IL13RA2: variants seen among roughly 807,000 people sequenced by gnomAD.
IL13RA2 encodes interleukin 13 receptor subunit alpha 2.
IL13RA2 carries 25 observed loss-of-function variants against 34.1 expected under a neutral mutation model. The observed-to-expected ratio is 0.73, with a 90% confidence interval of 0.53 to 1.03. IL13RA2 has a LOEUF of 1.03. Ranked by LOEUF, IL13RA2 falls within the 50% of genes least tolerant of loss-of-function variation. IL13RA2 has a pLI of 0.00. For synonymous variants in IL13RA2, 106 were observed against 100.4 expected, an observed-to-expected ratio of 1.06 and a Z score of -0.33; for missense variants, 297 against 280.9, an observed-to-expected ratio of 1.06 and a Z score of -0.41.
intron 7 of IL13RA2, among the ~76,000 whole-genome samples, chrX:115,008,481 G>A (rs2071693529): frequency 9.0e-6 from 1 of 111,634 alleles, no homozygotes; most frequent in Admixed American, 9.6e-5. Context: ...TATTACTATG[G>A]AAACTATAGA....
chrX:115,008,776 T>C (rs1434927565), intron 7 of IL13RA2, among the ~76,000 whole-genome samples: 1 of 111,963 alleles, frequency 8.9e-6, no homozygotes, highest in Non-Finnish European at 1.9e-5. Flanking sequence ...ATATAATAGC[T>C]TTTCCTTTGG....
intron 2 of IL13RA2, among the ~76,000 whole-genome samples, chrX:115,016,135 G>C (rs2071726283): frequency 9.2e-6 from 1 of 109,206 alleles, no homozygotes; most frequent in Non-Finnish European, 1.9e-5. Context: ...GTGGTTGGTA[G>C]GGGCTGGAGG....
intron 2 of IL13RA2, among the ~76,000 whole-genome samples, chrX:115,016,877 A>G (rs2147590176): frequency 9.1e-6 from 1 of 110,110 alleles, no homozygotes; most frequent in South Asian, 3.8e-4. Flanking sequence ...GTACCAGGCA[A>G]TGAGGTTTCA....
intron 5 of IL13RA2, 124 bp downstream of exon 5, chrX:115,013,642 TATC>T (rs1602976570): frequency 2.2e-6 from 1 of 454,528 alleles, no homozygotes; most frequent in African/African-American, 2.5e-5. Flanking sequence ...TGTAAACAAT[TATC>T]ATCATAAATA....
chrX:115,013,731 AT>A (rs782462358), intron 5 of IL13RA2, 37 bp downstream of exon 5: 22 of 790,787 alleles, frequency 2.8e-5, no homozygotes, highest in Non-Finnish European at 4.0e-5. Context: ...TTGAGTAGAC[AT>A]TTTTTAATAT....
intron 6 of IL13RA2, 134 bp downstream of exon 6, chrX:115,010,510 T>C (rs781927162): frequency 2.7e-6 from 1 of 370,555 alleles, no homozygotes; most frequent in Non-Finnish European, 4.8e-6. Flanking sequence ...TGCATTTCCA[T>C]AGGTCTCTGT....
At chrX:115,010,059 T>A (rs5946039) in intron 6 of IL13RA2, among the ~76,000 whole-genome samples, 15,375 of 111,267 alleles carry the variant, frequency 0.14, 801 homozygotes, top group South Asian at 0.28. Flanking sequence ...GTACCAAGGA[T>A]GTTACATAAT....
In IL13RA2 at chrX:115,004,031, T is replaced by C; in HGVS notation, c.*49A>G. On this transcript the variant is annotated 3_prime_UTR_variant, in exon 10 of 10. Transcript: ENST00000243213. ...GAGACTCATATTGAACATTTGGCCA[T>C]GACTGGAAACTGTTGAGTCAATACC... 1.3e-6 allele frequency: 1 copy of C among 746,179 alleles called. No individual in the cohort carries two copies. Among genetic ancestry groups the C allele is most frequent in the Non-Finnish European group, 2.1e-6 (1 of 484,426 alleles). The allele number at this position is 746,179 out of a possible 1,213,427, so 61.5% of individuals were successfully genotyped here. A position where few individuals can be genotyped will look rare whatever the true frequency, so the allele number is the denominator to read the frequency against.
Position 115,015,664 on chromosome X carries a change from A to C in IL13RA2, c.246+6T>G. The C allele has an allele frequency of 8.3e-7, 1 of 1,198,786 alleles. No individual in the cohort carries two copies. Among genetic ancestry groups the C allele is most frequent in the Middle Eastern group, 2.3e-4 (1 of 4,328 alleles). On this transcript the variant is annotated splice_donor_region_variant and intron_variant, in intron 3 of 9. Coordinates refer to ENST00000243213, the MANE Select transcript of IL13RA2 (RefSeq NM_000640.3). ...CTCTGATACGGCAAATGCATGCTTT[A>C]CTTACCTTCCATGTTTCACTACCAA...
At chrX:115,017,413 G>C in intron 1 of IL13RA2, 111 bp from the exon 2 acceptor site, 1 of 433,818 alleles carries the variant, frequency 2.3e-6, no homozygotes, top group African/African-American at 2.6e-5. Flanking sequence ...CCAAGAACTG[G>C]GAAAACTGTG....
intron 7 of IL13RA2, 136 bp downstream of exon 7, chrX:115,009,385 G>T: frequency 4.4e-6 from 2 of 451,815 alleles, no homozygotes; most frequent in Non-Finnish European, 3.8e-6. Flanking sequence ...AGCTTATTTG[G>T]CTTTCTGGAA....
Position 115,004,102 on chromosome X carries a change from G to T in IL13RA2, c.1121C>A (p.Pro374Gln). The T allele has an allele frequency of 9.8e-7, 1 of 1,024,249 alleles. No individual in the cohort carries two copies. Among genetic ancestry groups the T allele is most frequent in the Non-Finnish European group, 1.4e-6 (1 of 730,012 alleles). 84.4% of individuals were successfully genotyped at this position (1,024,249 alleles called of 1,213,427 possible). ...TCTTCATGTATCACAGAAAAATTCT[G>T]GAATCTAGAAAGAACTCTGTTATTA... is the stretch of plus-strand genomic sequence containing the variant. ...RKPNTYPKMI[P>Q]EFFCDT Residue 374 changes from proline to glutamine, a missense_variant, in exon 10 of 10, where the codon CCA becomes CAA. Coordinates refer to ENST00000243213, the MANE Select transcript of IL13RA2 (RefSeq NM_000640.3).
intron 3 of IL13RA2, among the ~76,000 whole-genome samples, chrX:115,015,405 G>A (rs782155393): frequency 9.0e-6 from 1 of 111,663 alleles, no homozygotes; most frequent in Admixed American, 9.5e-5. Context: ...CTAGTGAAGT[G>A]CTGCTCTTCA....
intron 7 of IL13RA2, 45 bp from the exon 8 acceptor site, chrX:115,008,121 G>A (rs1556508092): frequency 3.3e-6 from 3 of 897,604 alleles, no homozygotes; most frequent in Non-Finnish European, 4.9e-6. Context: ...TGATCTAGTT[G>A]CAACTAGACA....
chrX:115,004,885 T>C (rs1556507137), intron 9 of IL13RA2, among the ~76,000 whole-genome samples: 2 of 112,587 alleles, frequency 1.8e-5, no homozygotes, highest in African/African-American at 3.2e-5. Context: ...AATTCACTCT[T>C]CTATTTCTCC....
chrX:115,013,686 A>G (rs2071715135), intron 5 of IL13RA2, 83 bp downstream of exon 5: 2 of 524,115 alleles, frequency 3.8e-6, no homozygotes, highest in East Asian at 7.2e-5. Context: ...AATTTAACTT[A>G]GTGAAAATAT....
intron 2 of IL13RA2, 68 bp from the exon 3 acceptor site, chrX:115,015,889 G>A: frequency 1.3e-6 from 1 of 744,601 alleles, no homozygotes; most frequent in South Asian, 2.6e-5. Context: ...AAATCTAGAT[G>A]GCTTCCAAAT....
At chrX:115,005,382 ATTTTATAAATACTTCAGAACTGAG>A in intron 8 of IL13RA2, 67 bp from the exon 9 acceptor site, 2 of 596,719 alleles carry the variant, frequency 3.4e-6, no homozygotes, top group East Asian at 6.5e-5. Flanking sequence ...AAACTGAATT[ATTTTATAAATACTTCAGAACTGAG>A]TTGAGCTTGG....
Position 115,004,023 on chromosome X carries a change from T to C in IL13RA2, c.*57A>G. ...AGTTTATTGAGACTCATATTGAACA[T>C]TTGGCCATGACTGGAAACTGTTGAG... On this transcript the variant is annotated 3_prime_UTR_variant, in exon 10 of 10. Coordinates refer to ENST00000243213, the MANE Select transcript of IL13RA2 (RefSeq NM_000640.3). 3.0e-6 allele frequency: 2 copies of C among 674,320 alleles called. No homozygotes were observed. Among genetic ancestry groups the C allele is most frequent in the Admixed American group, 5.2e-5 (2 of 38,394 alleles). 55.6% of individuals were successfully genotyped at this position (674,320 alleles called of 1,213,427 possible).
Sources: gnomAD v4.1 joint callset for allele counts (sites outside exome capture counted in the v4.1 genomes callset) on GRCh38, gnomAD v4.1.1 for gene constraint, MANE v1.5 for transcripts, NCBI Gene and HGNC (gene_info 2026-07-23, HGNC 2026-07-21) for gene names.